ZMAT4: variants seen among roughly 807,000 people sequenced by gnomAD.
ZMAT4 encodes the protein zinc finger matrin-type protein 4.
Under a neutral mutation model 28.7 loss-of-function variants are expected in ZMAT4, and 17 were observed. The ratio of observed to expected loss-of-function variants is 0.59; its 90% CI spans 0.41 to 0.89. The LOEUF (loss-of-function observed/expected upper bound fraction) is 0.89, where lower values mean the gene tolerates loss of function less well. Ranked by LOEUF, ZMAT4 falls within the 40% of genes least tolerant of loss-of-function variation. The probability of loss-of-function intolerance (pLI) is 0.00; values close to 1 mark genes in which losing one functional copy is unlikely to be tolerated. For missense variants in ZMAT4, 240 were observed against 283.8 expected (o/e 0.85, Z 1.11); for synonymous variants, 117 against 109.2 (o/e 1.07, Z -0.44).
At chr8:40,746,425 G>C (rs190039607) in intron 3 of ZMAT4, among the ~76,000 whole-genome samples, 2 of 145,900 alleles carry the variant, frequency 1.4e-5, no homozygotes, top group South Asian at 4.4e-4. Flanking sequence ...GTGCAATGGC[G>C]CAATCTCAAC....
At chr8:40,786,639 A>G (rs1164430326) in intron 2 of ZMAT4, 4 of 1,207,872 alleles carry the variant, frequency 3.3e-6, no homozygotes, top group Non-Finnish European at 4.3e-6. Context: ...CCTTCTGTGA[A>G]CATCCATTCA....
At chr8:40,789,401 A>C (rs1262290726) in intron 2 of ZMAT4, among the ~76,000 whole-genome samples, 1 of 152,226 alleles carries the variant, frequency 6.6e-6, no homozygotes, top group Non-Finnish European at 1.5e-5. Flanking sequence ...TGATAAGGCA[A>C]GAAAAAGAAA....
In ZMAT4 at chr8:40,570,323, G is replaced by A. The variant is rs62505395; in HGVS notation, c.674+10842C>T. 7.8e-3 allele frequency among the ~76,000 whole-genome samples: 1,177 copies of A among 151,510 alleles called. 9 individuals are homozygous for A. Among genetic ancestry groups the A allele is most frequent in the Non-Finnish European group, 0.013 (868 of 67,814 alleles). ...GGGCTGATGGTTGCATGGTGTAGAT[G>A]ACTGTCAAAACCCATCAAATTGTAT... On this transcript the variant is annotated intron_variant, in intron 6 of 6. Coordinates refer to ENST00000297737, the MANE Select transcript of ZMAT4 (RefSeq NM_024645.3).
intron 3 of ZMAT4, among the ~76,000 whole-genome samples, chr8:40,712,112 G>T (rs1385243517): frequency 6.6e-6 from 1 of 152,162 alleles, no homozygotes; most frequent in Non-Finnish European, 1.5e-5. Flanking sequence ...ACCACCTGAT[G>T]CCAGAATCTA....
At chr8:40,574,899 C>G (rs1385245710) in intron 6 of ZMAT4, among the ~76,000 whole-genome samples, 1 of 152,178 alleles carries the variant, frequency 6.6e-6, no homozygotes, top group African/African-American at 2.4e-5. Flanking sequence ...CTACATTACT[C>G]CAAAAGTAGG....
chr8:40,689,072 G>A (rs149202188), intron 4 of ZMAT4, among the ~76,000 whole-genome samples: 1 of 152,372 alleles, frequency 6.6e-6, no homozygotes, highest in East Asian at 1.9e-4. Context: ...GTCCAAGGTG[G>A]TGGGACCTCC....
At chr8:40,694,381 T>C (rs1809784007) in intron 4 of ZMAT4, among the ~76,000 whole-genome samples, 1 of 152,210 alleles carries the variant, frequency 6.6e-6, no homozygotes. Context: ...GTTCCTGTTT[T>C]GTTTTCTACG....
intron 3 of ZMAT4, among the ~76,000 whole-genome samples, chr8:40,710,783 ACTTTT>A (rs1006282230): frequency 1.6e-5 from 2 of 128,596 alleles, no homozygotes; most frequent in African/African-American, 5.7e-5. Context: ...AAAGATCAAG[ACTTTT>A]CTTTTTTTTT....
At chr8:40,633,493 T>A (rs527785720) in intron 5 of ZMAT4, among the ~76,000 whole-genome samples, 4 of 152,128 alleles carry the variant, frequency 2.6e-5, no homozygotes, top group Non-Finnish European at 4.4e-5. Context: ...GACCAGAAGA[T>A]GGGGAGATAT....
chr8:40,820,377 G>A (rs1398020899), intron 2 of ZMAT4, among the ~76,000 whole-genome samples: 1 of 148,188 alleles, frequency 6.7e-6, no homozygotes, highest in Admixed American at 6.8e-5. Context: ...TACGTGTGTG[G>A]GTGTGTAGAG....
intron 5 of ZMAT4, among the ~76,000 whole-genome samples, chr8:40,600,938 C>T (rs915186044): frequency 1.3e-5 from 2 of 152,126 alleles, no homozygotes; most frequent in African/African-American, 4.8e-5. Context: ...AAAACATCTG[C>T]TGTTCCATCC....
chr8:40,587,357 G>T (rs1224775542), intron 5 of ZMAT4, among the ~76,000 whole-genome samples: 1 of 152,142 alleles, frequency 6.6e-6, no homozygotes, highest in Non-Finnish European at 1.5e-5. Context: ...TTATTAATAT[G>T]TGGGTATCTA....
At chr8:40,893,335 G>A (rs1420452810) in intron 1 of ZMAT4, among the ~76,000 whole-genome samples, 5 of 152,184 alleles carry the variant, frequency 3.3e-5, no homozygotes, top group Admixed American at 2.0e-4. Context: ...AAAATCAAGA[G>A]AGAAGGTTGG....
At chr8:40,851,523 T>A (rs1290696619) in intron 1 of ZMAT4, among the ~76,000 whole-genome samples, 1 of 152,238 alleles carries the variant, frequency 6.6e-6, no homozygotes, top group East Asian at 1.9e-4. Context: ...TCAGGTAAGA[T>A]GTTAACACTG....
chr8:40,745,354 G>T (rs762033110), intron 3 of ZMAT4, among the ~76,000 whole-genome samples: 30 of 152,232 alleles, frequency 2.0e-4, no homozygotes, highest in Middle Eastern at 3.4e-3. Context: ...GTTCTATTTC[G>T]AAGGTATTTA....
chr8:40,541,419 A>T (rs1803024458), intron 6 of ZMAT4, among the ~76,000 whole-genome samples: 1 of 152,202 alleles, frequency 6.6e-6, no homozygotes, highest in Non-Finnish European at 1.5e-5. Flanking sequence ...AACAAAGGGT[A>T]TAATGGTCTA....
At chr8:40,860,795 G>C (rs1484744412) in intron 1 of ZMAT4, among the ~76,000 whole-genome samples, 2 of 152,232 alleles carry the variant, frequency 1.3e-5, no homozygotes, top group Non-Finnish European at 2.9e-5. Context: ...GGTCGTCCTG[G>C]AGTCTGCAGT....
At chr8:40,599,861 T>G (rs571715529) in intron 5 of ZMAT4, among the ~76,000 whole-genome samples, 1 of 151,968 alleles carries the variant, frequency 6.6e-6, no homozygotes, top group East Asian at 1.9e-4. Flanking sequence ...CCAGCACCGG[T>G]CCCTTCTGTT....
chr8:40,852,813 C>T (rs901038533), intron 1 of ZMAT4, among the ~76,000 whole-genome samples: 2 of 152,064 alleles, frequency 1.3e-5, no homozygotes, highest in African/African-American at 4.8e-5. Flanking sequence ...ATATAATACC[C>T]AAAAAGAACA....
Sources: gnomAD v4.1 joint callset for allele counts (sites outside exome capture counted in the v4.1 genomes callset) on GRCh38, gnomAD v4.1.1 for gene constraint, MANE v1.5 for transcripts, NCBI Gene and HGNC (gene_info 2026-07-23, HGNC 2026-07-21) for gene names.